GATAD2A: variants seen among roughly 807,000 people sequenced by gnomAD.
The protein encoded by GATAD2A is transcriptional repressor p66-alpha.
A neutral mutation model predicts 68.5 loss-of-function variants in GATAD2A; 12 were observed. The observed-to-expected ratio is 0.18, with a 90% confidence interval of 0.11 to 0.28. The LOEUF (loss-of-function observed/expected upper bound fraction) is 0.28, where lower values mean the gene tolerates loss of function less well. Ranked by LOEUF, GATAD2A falls within the 10% of genes least tolerant of loss-of-function variation. GATAD2A has a pLI of 1.00. For synonymous variants in GATAD2A, 410 were observed against 375.3 expected (o/e 1.09, Z -1.07); for missense variants, 755 against 868.5 (o/e 0.87, Z 1.64).
At chr19:19,417,709 G>A (rs1226568934) in intron 1 of GATAD2A, among the ~76,000 whole-genome samples, 1 of 152,150 alleles carries the variant, frequency 6.6e-6, no homozygotes, top group Non-Finnish European at 1.5e-5. Flanking sequence ...ACTTGAATTG[G>A]GCAGAAGAAA....
intron 1 of GATAD2A, among the ~76,000 whole-genome samples, chr19:19,418,474 C>T (rs139834280): frequency 4.1e-4 from 63 of 152,292 alleles, no homozygotes; most frequent in African/African-American, 1.2e-3. Context: ...GATGGAAGTT[C>T]GAGGAACACA....
At chr19:19,457,089 G>C in intron 1 of GATAD2A, 1 of 985,354 alleles carries the variant, frequency 1.0e-6, no homozygotes, top group Non-Finnish European at 1.2e-6. Context: ...TCAACTCAGA[G>C]CACTCCTATC....
In GATAD2A at chr19:19,508,139, C is replaced by T. The variant is rs1014139980; in HGVS notation, c.*2665C>T. On this transcript the variant is annotated 3_prime_UTR_variant, in exon 12 of 12. Transcript: ENST00000683918. ...ACTGATTGTAACTGTCCCCTGTTAC[C>T]TGTGACATGAACCTCCAACAGCACC... The T allele has an allele frequency of 2.0e-5, 3 of 152,286 alleles. No individual in the cohort carries two copies. The highest frequency in any genetic ancestry group is 4.4e-5 in the Non-Finnish European group (3 of 68,084). The allele number at this position is 152,286 out of a possible 1,614,324, so 9.4% of individuals were successfully genotyped here. A position where few individuals can be genotyped will look rare whatever the true frequency, so the allele number is the denominator to read the frequency against.
chr19:19,414,702 CTTT>C (rs576088323), intron 1 of GATAD2A, among the ~76,000 whole-genome samples: 1 of 140,104 alleles, frequency 7.1e-6, no homozygotes. Context: ...ACGCCCAGCT[CTTT>C]TTTTTTTTTT....
intron 1 of GATAD2A, among the ~76,000 whole-genome samples, chr19:19,455,065 T>A (rs1235871045): frequency 6.6e-6 from 1 of 152,148 alleles, no homozygotes; most frequent in Non-Finnish European, 1.5e-5. Flanking sequence ...TTGAAAATAT[T>A]TGGGGTAAGC....
intron 1 of GATAD2A, among the ~76,000 whole-genome samples, chr19:19,392,042 T>G (rs551119670): frequency 1.3e-5 from 2 of 152,100 alleles, no homozygotes; most frequent in Non-Finnish European, 2.9e-5. Context: ...TGACTGCCTT[T>G]GTTTATACTG....
At chr19:19,477,531 G>A (rs1383061247) in intron 2 of GATAD2A, among the ~76,000 whole-genome samples, 2 of 152,136 alleles carry the variant, frequency 1.3e-5, no homozygotes, top group African/African-American at 4.8e-5. Flanking sequence ...CTCTCTGGGG[G>A]ACTGCAGCCC....
At chr19:19,395,537 C>G (rs1244382629) in intron 1 of GATAD2A, among the ~76,000 whole-genome samples, 3 of 152,162 alleles carry the variant, frequency 2.0e-5, no homozygotes, top group African/African-American at 7.2e-5. Context: ...CACCAGTGGA[C>G]CTGTACTTGC....
intron 1 of GATAD2A, among the ~76,000 whole-genome samples, chr19:19,434,058 C>T (rs945598536): frequency 6.6e-6 from 1 of 152,238 alleles, no homozygotes; most frequent in Non-Finnish European, 1.5e-5. Context: ...GAGGCATGAG[C>T]CACTGTGCCC....
chr19:19,453,081 G>T (rs1463436566), intron 1 of GATAD2A, among the ~76,000 whole-genome samples: 1 of 152,144 alleles, frequency 6.6e-6, no homozygotes, highest in Non-Finnish European at 1.5e-5. Flanking sequence ...AGCCTCAGTG[G>T]TGTGTTTGGT....
intron 1 of GATAD2A, among the ~76,000 whole-genome samples, chr19:19,430,952 T>C (rs2053651131): frequency 6.8e-6 from 1 of 147,978 alleles, no homozygotes; most frequent in South Asian, 2.1e-4. Flanking sequence ...GAAGTCCTTG[T>C]GTTTGGGTGG....
intron 1 of GATAD2A, among the ~76,000 whole-genome samples, chr19:19,415,944 C>T (rs773361978): frequency 7.7e-6 from 1 of 129,984 alleles, no homozygotes; most frequent in Non-Finnish European, 1.5e-5. Context: ...CATAAAACTA[C>T]TTTTCCCTGT....
chr19:19,423,860 T>G (rs1200052051), intron 1 of GATAD2A, among the ~76,000 whole-genome samples: 1 of 152,152 alleles, frequency 6.6e-6, no homozygotes, highest in Non-Finnish European at 1.5e-5. Flanking sequence ...GCTTGGCCAG[T>G]TGTTCCCCAG....
intron 6 of GATAD2A, 35 bp downstream of exon 6, chr19:19,495,920 A>C (rs377739420): frequency 2.1e-4 from 338 of 1,600,878 alleles, no homozygotes; most frequent in Non-Finnish European, 2.6e-4. Flanking sequence ...GAGACCTGGC[A>C]GCCTCAGCAG....
At chr19:19,467,512 A>G (rs1181764836) in intron 2 of GATAD2A, among the ~76,000 whole-genome samples, 2 of 152,184 alleles carry the variant, frequency 1.3e-5, no homozygotes, top group Non-Finnish European at 2.9e-5. Flanking sequence ...GTGGGATTAT[A>G]TACTATGTAC....
At chr19:19,439,806 C>T (rs928796420) in intron 1 of GATAD2A, among the ~76,000 whole-genome samples, 7 of 152,204 alleles carry the variant, frequency 4.6e-5, no homozygotes, top group Middle Eastern at 3.4e-3. Context: ...CAAGATCACG[C>T]CACTGCACTC....
intron 1 of GATAD2A, among the ~76,000 whole-genome samples, chr19:19,392,126 A>C (rs1168542158): frequency 8.2e-6 from 1 of 122,004 alleles, no homozygotes; most frequent in Non-Finnish European, 1.6e-5. Context: ...GTGCTCTGTC[A>C]CCCAGGCTGG....
In GATAD2A at chr19:19,508,230, C is replaced by T. The variant is rs968146678; in HGVS notation, c.*2756C>T. 6.6e-6 allele frequency: 1 copy of T among 152,224 alleles called. No individual in the cohort carries two copies. Among genetic ancestry groups the T allele is most frequent in the South Asian group, 2.1e-4 (1 of 4,832 alleles). The allele number at this position is 152,224 out of a possible 1,614,324, so 9.4% of individuals were successfully genotyped here. A position where few individuals can be genotyped will look rare whatever the true frequency, so the allele number is the denominator to read the frequency against. ...TGGGGAGATCTCAGAGTTCACACCT[C>T]GCCTGTTGTAGGGGAGGTTGGGGGT... On this transcript the variant is annotated 3_prime_UTR_variant, in exon 12 of 12. Coordinates refer to ENST00000683918, the MANE Select transcript of GATAD2A (RefSeq NM_001384528.1).
chr19:19,391,748 G>A (rs188118043), intron 1 of GATAD2A, among the ~76,000 whole-genome samples: 1 of 152,290 alleles, frequency 6.6e-6, no homozygotes, highest in Admixed American at 6.5e-5. Flanking sequence ...CTGTTGGTGG[G>A]CAGGTCTAAA....
Sources: gnomAD v4.1 joint callset for allele counts (sites outside exome capture counted in the v4.1 genomes callset) on GRCh38, gnomAD v4.1.1 for gene constraint, MANE v1.5 for transcripts, NCBI Gene and HGNC (gene_info 2026-07-23, HGNC 2026-07-21) for gene names.